Variants in SPMIP2 observed in about 807,000 individuals in gnomAD.
The protein encoded by SPMIP2 is protein SPMIP2.
At chr4:159,034,123 C>A in the SPMIP2 span, among the ~76,000 whole-genome samples, 2 of 151,832 alleles carry the variant, frequency 1.3e-5, no homozygotes, top group Non-Finnish European at 2.9e-5. Flanking sequence ...GGCAACAGGG[C>A]GAGACTCTGT....
the SPMIP2 span, among the ~76,000 whole-genome samples, chr4:159,012,188 G>C: frequency 7.9e-5 from 12 of 152,114 alleles, no homozygotes; most frequent in Non-Finnish European, 1.3e-4. Context: ...AGGATCACTT[G>C]AGCCCAGGAG....
At chr4:158,982,073 C>T in the SPMIP2 span, among the ~76,000 whole-genome samples, 1 of 152,016 alleles carries the variant, frequency 6.6e-6, no homozygotes, top group Non-Finnish European at 1.5e-5. Flanking sequence ...GGTTGCAATC[C>T]TACTCTCTGA....
the SPMIP2 span, among the ~76,000 whole-genome samples, chr4:159,063,282 G>A: frequency 6.6e-6 from 1 of 152,146 alleles, no homozygotes; most frequent in Admixed American, 6.5e-5. Context: ...TCTTGGGCCG[G>A]GCATGGTGGC....
the SPMIP2 span, among the ~76,000 whole-genome samples, chr4:158,943,858 CT>C: frequency 4.0e-4 from 41 of 101,906 alleles, no homozygotes; most frequent in Middle Eastern, 7.5e-3. Context: ...TTGACATTTT[CT>C]TTTTTTTTTT....
At chr4:158,973,642 C>T in the SPMIP2 span, among the ~76,000 whole-genome samples, 1 of 152,010 alleles carries the variant, frequency 6.6e-6, no homozygotes, top group Admixed American at 6.6e-5. Flanking sequence ...CAGGCTGATG[C>T]GAAGGTTGGG....
the SPMIP2 span, among the ~76,000 whole-genome samples, chr4:158,968,492 A>G: frequency 6.6e-6 from 1 of 152,226 alleles, no homozygotes. Context: ...GAGAAAAATG[A>G]TAACGCAACT....
the SPMIP2 span, among the ~76,000 whole-genome samples, chr4:158,983,072 T>C: frequency 3.9e-5 from 6 of 151,934 alleles, no homozygotes; most frequent in African/African-American, 1.2e-4. Context: ...TGATGGAAGA[T>C]GAAATGAATG....
At chr4:158,944,867 T>A in the SPMIP2 span, among the ~76,000 whole-genome samples, 9 of 152,226 alleles carry the variant, frequency 5.9e-5, no homozygotes, top group Non-Finnish European at 1.0e-4. Context: ...TCTCCTGGGC[T>A]GCCTGACAGA....
chr4:158,975,674 CA>C, the SPMIP2 span, among the ~76,000 whole-genome samples: 2 of 152,146 alleles, frequency 1.3e-5, no homozygotes, highest in Non-Finnish European at 2.9e-5. Flanking sequence ...ATTTTGATAC[CA>C]GTACCATACT....
At chr4:159,049,820 G>C in the SPMIP2 span, among the ~76,000 whole-genome samples, 2 of 152,126 alleles carry the variant, frequency 1.3e-5, no homozygotes, top group African/African-American at 4.8e-5. Flanking sequence ...TGTCTGTCTG[G>C]AAAATAGGGT....
the SPMIP2 span, among the ~76,000 whole-genome samples, chr4:159,014,182 C>T: frequency 3.9e-5 from 6 of 152,142 alleles, no homozygotes; most frequent in Non-Finnish European, 2.9e-5. Context: ...GGGCCAGGTG[C>T]GGTGTCTCAC....
At chr4:158,998,180 G>T in the SPMIP2 span, among the ~76,000 whole-genome samples, 1 of 152,040 alleles carries the variant, frequency 6.6e-6, no homozygotes. Flanking sequence ...TTTATGGGTT[G>T]GTAAATATTT....
the SPMIP2 span, among the ~76,000 whole-genome samples, chr4:159,052,822 A>C: frequency 6.7e-6 from 1 of 149,614 alleles, no homozygotes; most frequent in African/African-American, 2.5e-5. Context: ...TTTAGTAGAG[A>C]CGGGGGTTTC....
At chr4:158,962,395 C>T in the SPMIP2 span, among the ~76,000 whole-genome samples, 3 of 152,138 alleles carry the variant, frequency 2.0e-5, no homozygotes, top group Admixed American at 6.5e-5. Context: ...AATTTTCCAT[C>T]TCTATAACTA....
the SPMIP2 span, among the ~76,000 whole-genome samples, chr4:159,067,707 T>C: frequency 6.6e-6 from 1 of 152,020 alleles, no homozygotes; most frequent in African/African-American, 2.4e-5. Flanking sequence ...GAAAATACCA[T>C]CAGAGTGAAC....
chr4:159,002,617 CATTTCAA>C, the SPMIP2 span, among the ~76,000 whole-genome samples: 1 of 152,064 alleles, frequency 6.6e-6, no homozygotes, highest in Non-Finnish European at 1.5e-5. Context: ...GTCCATGACC[CATTTCAA>C]GTCCATTTTT....
chr4:158,955,808 A>T, the SPMIP2 span, among the ~76,000 whole-genome samples: 41,704 of 152,180 alleles, frequency 0.27, 6,354 homozygotes, highest in Middle Eastern at 0.35. Context: ...TATAAAATGC[A>T]TCCTGATTTC....
chr4:158,943,419 C>G, the SPMIP2 span, among the ~76,000 whole-genome samples: 1 of 152,182 alleles, frequency 6.6e-6, no homozygotes, highest in African/African-American at 2.4e-5. Flanking sequence ...AGTGGGCCTT[C>G]TTTGTTTCCT....
the SPMIP2 span, among the ~76,000 whole-genome samples, chr4:159,037,801 C>T: frequency 1.5e-5 from 2 of 131,006 alleles, no homozygotes; most frequent in Non-Finnish European, 3.3e-5. Context: ...CACACACACA[C>T]ACACACACAC....
Sources: gnomAD v4.1 joint callset for allele counts (sites outside exome capture counted in the v4.1 genomes callset) on GRCh38, gnomAD v4.1.1 for gene constraint, MANE v1.5 for transcripts, NCBI Gene and HGNC (gene_info 2026-07-23, HGNC 2026-07-21) for gene names.